Variants in DLG2 observed in about 807,000 individuals in gnomAD.
DLG2 encodes the protein disks large homolog 2.
Under a neutral mutation model 132.5 loss-of-function variants are expected in DLG2, and 45 were observed. The observed-to-expected ratio is 0.34, with a 90% CI of 0.27 to 0.44. The LOEUF (loss-of-function observed/expected upper bound fraction) is 0.44, where lower values mean the gene tolerates loss of function less well. Among genes scored for constraint, DLG2 ranks in the 20% least tolerant of loss-of-function variants. The pLI is 1.00. For missense variants in DLG2, 1,045 were observed against 1,196.9 expected (o/e 0.87, Z 1.87); for synonymous variants, 424 against 419.6 (o/e 1.01, Z -0.13).
intron 12 of DLG2, among the ~76,000 whole-genome samples, chr11:83,979,373 C>T (rs1412845849): frequency 1.3e-5 from 2 of 152,124 alleles, no homozygotes; most frequent in East Asian, 3.9e-4. Context: ...ATTAGAAGTC[C>T]TGTTTTACAA....
At chr11:84,746,564 A>G (rs2065393023) in intron 6 of DLG2, among the ~76,000 whole-genome samples, 1 of 152,212 alleles carries the variant, frequency 6.6e-6, no homozygotes, top group Non-Finnish European at 1.5e-5. Flanking sequence ...TATATCTATA[A>G]GATGAGGCTA....
At chr11:84,050,432 G>A (rs895977055) in intron 11 of DLG2, among the ~76,000 whole-genome samples, 3 of 151,894 alleles carry the variant, frequency 2.0e-5, no homozygotes, top group African/African-American at 4.8e-5. Flanking sequence ...TTTGTCAGAT[G>A]AGTAGATTGC....
chr11:85,236,292 A>C (rs919615849), intron 4 of DLG2, among the ~76,000 whole-genome samples: 5 of 152,056 alleles, frequency 3.3e-5, no homozygotes, highest in African/African-American at 1.2e-4. Flanking sequence ...AAAACATCAC[A>C]GACTGGGTAG....
chr11:83,644,672 C>T (rs2067594992), intron 18 of DLG2, among the ~76,000 whole-genome samples: 2 of 152,068 alleles, frequency 1.3e-5, no homozygotes, highest in South Asian at 2.1e-4. Context: ...TTCCTCAGTG[C>T]AATTTATGGT....
chr11:83,537,740 G>A (rs61568057), intron 20 of DLG2, among the ~76,000 whole-genome samples: 26,378 of 148,124 alleles, frequency 0.18, 2,586 homozygotes, highest in Non-Finnish European at 0.19. Flanking sequence ...GCTTGAACCC[G>A]GGAGGTGGAG....
chr11:84,949,558 T>G (rs118132958), intron 6 of DLG2, among the ~76,000 whole-genome samples: 3,402 of 152,142 alleles, frequency 0.022, 49 homozygotes, highest in Non-Finnish European at 0.034. Flanking sequence ...GACCTACCCC[T>G]AGGTGCGCAT....
intron 6 of DLG2, among the ~76,000 whole-genome samples, chr11:84,672,483 A>G (rs980298963): frequency 2.6e-5 from 4 of 152,222 alleles, no homozygotes; most frequent in African/African-American, 7.2e-5. Context: ...AGTTGTCTTA[A>G]GCAAGCCTCA....
chr11:84,649,247 C>T lies in DLG2; in HGVS notation c.358-114516G>A, dbSNP rs556137329. ...ATTAAGGATTCTCTGATGAAAGGAA[C>T]ATACGACTAATTCCCTAGTAACAGT... On this transcript the variant is annotated intron_variant, in intron 6 of 27. Coordinates refer to ENST00000376104, the MANE Select transcript of DLG2 (RefSeq NM_001142699.3). Among the ~76,000 whole-genome samples the T allele has an allele frequency of 3.3e-5, 5 of 152,296 alleles. No homozygotes were observed. The East Asian group carries it at 9.7e-4, about 29-fold the overall frequency.
intron 18 of DLG2, among the ~76,000 whole-genome samples, chr11:83,716,640 T>G (rs1051482495): frequency 6.6e-6 from 1 of 152,204 alleles, no homozygotes; most frequent in Non-Finnish European, 1.5e-5. Context: ...ATTTTGCAGA[T>G]AGAAACCAAA....
intron 19 of DLG2, among the ~76,000 whole-genome samples, chr11:83,585,542 A>T (rs759852067): frequency 1.3e-5 from 2 of 152,224 alleles, no homozygotes; most frequent in Non-Finnish European, 2.9e-5. Context: ...TGTTCATTTC[A>T]TTTAATAATC....
intron 6 of DLG2, among the ~76,000 whole-genome samples, chr11:85,091,965 A>C (rs2154176446): frequency 6.6e-6 from 1 of 152,288 alleles, no homozygotes; most frequent in Admixed American, 6.5e-5. Context: ...AGAATGGTGA[A>C]TCTTTACTAG....
chr11:83,496,340 T>C (rs2094148762), intron 21 of DLG2, among the ~76,000 whole-genome samples: 1 of 151,994 alleles, frequency 6.6e-6, no homozygotes, highest in South Asian at 2.1e-4. Context: ...CATGGAGCCC[T>C]TGCAACTCTC....
At chr11:84,444,679 T>A (rs2099027677) in intron 7 of DLG2, among the ~76,000 whole-genome samples, 1 of 152,318 alleles carries the variant, frequency 6.6e-6, no homozygotes, top group East Asian at 1.9e-4. Context: ...TTATAGTAAA[T>A]ACTGTTACTT....
intron 7 of DLG2, among the ~76,000 whole-genome samples, chr11:84,335,042 T>A (rs1265591382): frequency 6.6e-6 from 1 of 151,302 alleles, no homozygotes; most frequent in African/African-American, 2.4e-5. Flanking sequence ...CTCAAAAATA[T>A]ATGATTTAAT....
intron 18 of DLG2, among the ~76,000 whole-genome samples, chr11:83,690,015 T>TA (rs2080671979): frequency 1.4e-5 from 2 of 145,494 alleles, no homozygotes; most frequent in East Asian, 2.0e-4. Flanking sequence ...ATTATAATAT[T>TA]TAATAAATAT....
chr11:84,207,603 T>C (rs1342044106), intron 8 of DLG2, among the ~76,000 whole-genome samples: 3 of 152,172 alleles, frequency 2.0e-5, no homozygotes, highest in African/African-American at 7.2e-5. Flanking sequence ...AAATTGAACC[T>C]TGACATCTTC....
At chr11:84,104,508 C>A (rs57003501) in intron 9 of DLG2, among the ~76,000 whole-genome samples, 2,829 of 152,142 alleles carry the variant, frequency 0.019, 72 homozygotes, top group African/African-American at 0.063. Context: ...CAATTGTATT[C>A]CAAACCTCAG....
At chr11:83,544,706 C>T (rs1359643511) in intron 19 of DLG2, among the ~76,000 whole-genome samples, 1 of 152,092 alleles carries the variant, frequency 6.6e-6, no homozygotes, top group Non-Finnish European at 1.5e-5. Flanking sequence ...TATTTGATGT[C>T]ACAGCAACCC....
chr11:84,522,300 G>C (rs1335223315), intron 7 of DLG2, among the ~76,000 whole-genome samples: 1 of 152,084 alleles, frequency 6.6e-6, no homozygotes, highest in East Asian at 1.9e-4. Flanking sequence ...CACCAGTCTA[G>C]AGTAACTTCA....
Sources: allele counts gnomAD v4.1 joint callset (sites outside exome capture counted in the v4.1 genomes callset), GRCh38; gene constraint gnomAD v4.1.1; transcripts MANE v1.5; gene names NCBI Gene and HGNC (gene_info 2026-07-23, HGNC 2026-07-21).